ANGPT1: variants seen among roughly 807,000 people sequenced by gnomAD.
ANGPT1 encodes the protein angiopoietin 1, also known as angiopoietin-1.
A neutral mutation model predicts 62.2 loss-of-function variants in ANGPT1; 17 were observed. That is an observed-to-expected ratio of 0.27 (90% CI 0.19 to 0.41). The LOEUF (loss-of-function observed/expected upper bound fraction) is 0.41, where lower values mean the gene tolerates loss of function less well. Ranked by LOEUF, ANGPT1 falls within the 10% of genes least tolerant of loss-of-function variation. The pLI is 1.00. For missense variants in ANGPT1, 478 were observed against 594.9 expected (o/e 0.80, Z 2.04); for synonymous variants, 199 against 198.9 (o/e 1.00, Z 0.00).
intron 8 of ANGPT1, among the ~76,000 whole-genome samples, chr8:107,257,609 A>G (rs1813387595): frequency 6.6e-6 from 1 of 152,234 alleles, no homozygotes; most frequent in Non-Finnish European, 1.5e-5. Context: ...AATCAGCAGT[A>G]TGCAAAACAG....
chr8:107,408,625 G>T (rs2130349810), intron 1 of ANGPT1, among the ~76,000 whole-genome samples: 1 of 152,242 alleles, frequency 6.6e-6, no homozygotes, highest in Non-Finnish European at 1.5e-5. Flanking sequence ...TTTAAATAGT[G>T]ATAATGGATG....
chr8:107,283,871 C>T (rs929795612), intron 7 of ANGPT1: 2 of 152,158 alleles, frequency 1.3e-5, no homozygotes, highest in Non-Finnish European at 2.9e-5. Context: ...GAATGCCAGC[C>T]AGTTTTTAGT....
intron 5 of ANGPT1, among the ~76,000 whole-genome samples, chr8:107,301,430 G>A (rs1409602940): frequency 2.0e-5 from 3 of 151,800 alleles, no homozygotes; most frequent in Non-Finnish European, 2.9e-5. Flanking sequence ...TTCATCTGCT[G>A]TGTGTATGGT....
intron 4 of ANGPT1, among the ~76,000 whole-genome samples, chr8:107,309,395 A>C (rs181198534): frequency 6.6e-6 from 1 of 152,300 alleles, no homozygotes; most frequent in African/African-American, 2.4e-5. Flanking sequence ...ACATCTGACA[A>C]GGTGCAAACA....
chr8:107,479,045 G>T (rs762729203), intron 1 of ANGPT1, among the ~76,000 whole-genome samples: 1 of 151,996 alleles, frequency 6.6e-6, no homozygotes, highest in Non-Finnish European at 1.5e-5. Context: ...GAGGGTCCCG[G>T]ATTGGAGTGT....
intron 8 of ANGPT1, among the ~76,000 whole-genome samples, chr8:107,259,140 C>T (rs968960699): frequency 1.3e-5 from 2 of 152,126 alleles, no homozygotes; most frequent in Non-Finnish European, 2.9e-5. Context: ...TATAGTCAAT[C>T]TTACATTAGT....
At position 107,290,445 on chromosome 8, in the gene ANGPT1, G is replaced by C. The variant is rs549217114; in HGVS notation, c.1038+3491C>G. ...ACACCCTTAGCTGAAGAAGTGAGCA[G>C]GCAGTTCTTTGGATGCAGGAAATAG... On this transcript the variant is annotated intron_variant, in intron 6 of 8. Coordinates refer to ENST00000517746, the MANE Select transcript of ANGPT1 (RefSeq NM_001146.5). 6.6e-5 allele frequency among the ~76,000 whole-genome samples: 10 copies of C among 152,248 alleles called. No homozygotes were observed. In the South Asian group the frequency reaches 2.1e-3, roughly 32 times the overall value.
In ANGPT1 at chr8:107,318,323, G is replaced by C. The variant is rs1815069264; in HGVS notation, c.808+3573C>G. Reference sequence around the variant, plus strand: ...ATTATTTCAGATAATGTGTTTATTAGTTGTCCTTCTTAAAAGTATCTCACA... The same window carrying C: ...ATTATTTCAGATAATGTGTTTATTACTTGTCCTTCTTAAAAGTATCTCACA... On this transcript the variant is annotated intron_variant, in intron 4 of 8. Transcript: ENST00000517746. Among the ~76,000 whole-genome samples the C allele has an allele frequency of 2.6e-5, 4 of 152,160 alleles. No homozygotes were observed. The South Asian group carries it at 8.3e-4, about 32-fold the overall frequency.
rs114292959 is a variant in ANGPT1, at chr8:107,365,446, T to C, written c.298-18349A>G. On this transcript the variant is annotated intron_variant, in intron 1 of 8. Coordinates refer to ENST00000517746, the MANE Select transcript of ANGPT1 (RefSeq NM_001146.5). ...CGTCCTTGTGGATGCTTGCTTGCTATATAAAATAATTCCCAATGAGTAAGT... is the reference window on the plus strand; with the variant it reads ...CGTCCTTGTGGATGCTTGCTTGCTACATAAAATAATTCCCAATGAGTAAGT... Among the ~76,000 whole-genome samples the C allele has an allele frequency of 3.7e-3, 557 of 152,344 alleles. 5 individuals carry two copies. Among genetic ancestry groups the C allele is most frequent in the African/African-American group, 0.013 (536 of 41,582 alleles).
intron 6 of ANGPT1, among the ~76,000 whole-genome samples, chr8:107,288,262 T>G (rs534355161): frequency 6.6e-6 from 1 of 152,246 alleles, no homozygotes; most frequent in African/African-American, 2.4e-5. Context: ...GGGACTAAAC[T>G]ATAGTACTAA....
chr8:107,409,099 AT>A (rs1247419001), intron 1 of ANGPT1, among the ~76,000 whole-genome samples: 1 of 152,202 alleles, frequency 6.6e-6, no homozygotes, highest in African/African-American at 2.4e-5. Context: ...CTCCTCTCTG[AT>A]TAATCCAAAG....
rs1451960560 is a variant in ANGPT1, at chr8:107,272,321, G to T, written c.1206-7970C>A. Among the ~76,000 whole-genome samples the T allele has an allele frequency of 2.0e-5, 3 of 151,968 alleles. No individual in the cohort carries two copies. In the East Asian group the frequency reaches 5.8e-4, roughly 29 times the overall value. On this transcript the variant is annotated intron_variant, in intron 7 of 8. Coordinates refer to ENST00000517746, the MANE Select transcript of ANGPT1 (RefSeq NM_001146.5). The stretch of plus-strand genomic sequence containing the variant: ...AATGATGAAAAATCTTTAGAAAATT[G>T]AGTTTCACTTAATCTCTGATTCTCA...
intron 2 of ANGPT1, among the ~76,000 whole-genome samples, chr8:107,337,683 G>A (rs964823813): frequency 2.0e-5 from 3 of 152,142 alleles, no homozygotes; most frequent in Non-Finnish European, 4.4e-5. Context: ...AAATACTTCT[G>A]CCAGGTCAAT....
chr8:107,352,615 C>T (rs1028997841), intron 1 of ANGPT1, among the ~76,000 whole-genome samples: 4 of 152,140 alleles, frequency 2.6e-5, no homozygotes, highest in Non-Finnish European at 5.9e-5. Flanking sequence ...GAAGAAACCA[C>T]TTCAAGGGGT....
chr8:107,490,338 C>T lies in ANGPT1; in HGVS notation c.297+6924G>A, dbSNP rs144154656. Among the ~76,000 whole-genome samples, 834 of 152,292 alleles carry T rather than the reference C, an allele frequency of 5.5e-3. 6 individuals carry two copies. Among genetic ancestry groups the T allele is most frequent in the African/African-American group, 0.019 (786 of 41,560 alleles). Reference sequence around the variant, plus strand: ...TAGCCCAGACTTGTTTATCCACAGGCTGCTGGTCTGTATTGTTATTCAGGT... The same window carrying T: ...TAGCCCAGACTTGTTTATCCACAGGTTGCTGGTCTGTATTGTTATTCAGGT... On this transcript the variant is annotated intron_variant, in intron 1 of 8. Transcript: ENST00000517746.
chr8:107,400,928 G>A (rs781485153), intron 1 of ANGPT1, among the ~76,000 whole-genome samples: 1 of 151,700 alleles, frequency 6.6e-6, no homozygotes, highest in Non-Finnish European at 1.5e-5. Flanking sequence ...ATGGCTTATC[G>A]GCTTATCTTC....
At chr8:107,380,003 A>G (rs796725131) in intron 1 of ANGPT1, among the ~76,000 whole-genome samples, 23 of 152,278 alleles carry the variant, frequency 1.5e-4, no homozygotes, top group African/African-American at 5.5e-4. Context: ...AATCTAAGAA[A>G]GCGCGCACAC....
intron 1 of ANGPT1, among the ~76,000 whole-genome samples, chr8:107,408,864 C>A (rs1817203485): frequency 6.6e-6 from 1 of 152,154 alleles, no homozygotes; most frequent in Non-Finnish European, 1.5e-5. Flanking sequence ...AGATTATTTT[C>A]TGTTTTCCCA....
At chr8:107,428,843 T>A (rs1294304089) in intron 1 of ANGPT1, among the ~76,000 whole-genome samples, 2 of 152,214 alleles carry the variant, frequency 1.3e-5, no homozygotes, top group African/African-American at 4.8e-5. Context: ...CCCAAAGGTA[T>A]TATAAAAAGC....
Sources: gnomAD v4.1 joint callset for allele counts (sites outside exome capture counted in the v4.1 genomes callset) on GRCh38, gnomAD v4.1.1 for gene constraint, MANE v1.5 for transcripts, NCBI Gene and HGNC (gene_info 2026-07-23, HGNC 2026-07-21) for gene names.